AGAP1: variants seen among roughly 807,000 people sequenced by gnomAD.
AGAP1 encodes arf-GAP with GTPase, ANK repeat and PH domain-containing protein 1.
AGAP1 carries 29 observed loss-of-function variants against 105.3 expected under a neutral mutation model. That is an observed-to-expected ratio of 0.28 (90% CI 0.21 to 0.38). AGAP1 has a LOEUF of 0.38. AGAP1 is among the 10% of genes least tolerant of loss of function. The probability of loss-of-function intolerance (pLI) is 1.00; values close to 1 mark genes in which losing one functional copy is unlikely to be tolerated. For synonymous variants in AGAP1, 509 were observed against 485.9 expected, an observed-to-expected ratio of 1.05 and a Z score of -0.63; for missense variants, 998 against 1,165.1, an observed-to-expected ratio of 0.86 and a Z score of 2.09.
chr2:235,494,795 G>T lies in AGAP1; in HGVS notation c.109G>T (p.Val37Leu), dbSNP rs745570362. ...IYSIYELLER[V>L]EEPVLQNQIR... ...CTCCATCTACGAGCTGCTGGAGCGCGTGGAGGAGCCGGTGCTGCAGAACCA... is the reference window on the plus strand; with the variant it reads ...CTCCATCTACGAGCTGCTGGAGCGCTTGGAGGAGCCGGTGCTGCAGAACCA... Residue 37 changes from valine to leucine, a missense_variant, in exon 1 of 18, where the codon GTG becomes TTG. By Grantham distance (32) the Val-to-Leu change is conservative. Around this residue, in one of 3 missense-constraint regions of AGAP1, gnomAD observed 735 missense variants for 833.4 expected, o/e 0.88. Transcript: ENST00000304032. 2.6e-5 allele frequency: 41 copies of T among 1,585,048 alleles called. No individual in the cohort carries two copies. The African/African-American group carries it at 5.1e-4, about 20-fold the overall frequency.
chr2:235,937,876 G>A (rs948067054), intron 12 of AGAP1, among the ~76,000 whole-genome samples: 4 of 152,324 alleles, frequency 2.6e-5, no homozygotes, highest in South Asian at 4.1e-4. Flanking sequence ...AAACACCAGC[G>A]GTGCCACGGT....
intron 6 of AGAP1, among the ~76,000 whole-genome samples, chr2:235,765,669 G>A (rs987304999): frequency 5.3e-5 from 8 of 152,164 alleles, no homozygotes; most frequent in African/African-American, 1.9e-4. Context: ...AGGAGGGGCT[G>A]TGACTCATCC....
intron 16 of AGAP1, among the ~76,000 whole-genome samples, chr2:236,075,083 A>G (rs557898627): frequency 1.3e-5 from 2 of 152,154 alleles, no homozygotes; most frequent in Admixed American, 6.6e-5. Flanking sequence ...CAAAAGATCT[A>G]TAAGTGATTG....
chr2:235,812,247 A>G (rs1958185585), intron 9 of AGAP1, among the ~76,000 whole-genome samples: 2 of 151,934 alleles, frequency 1.3e-5, no homozygotes, highest in African/African-American at 4.8e-5. Context: ...GAGAGCAGTC[A>G]TTTCCCAGCA....
rs1014452358 is a variant in AGAP1, at chr2:235,620,689, C to G, written c.164-88490C>G. ...GCTCCCTGACATGTCTGGTGTCTCT[C>G]TCTCCCCACTGGATGGAATATAAGG... On this transcript the variant is annotated intron_variant, in intron 1 of 17. Coordinates refer to ENST00000304032, the MANE Select transcript of AGAP1 (RefSeq NM_001037131.3). This position sits in a 1 kb window ranked among gnomAD's most constrained non-coding sequence, Gnocchi z 4.5. Among the ~76,000 whole-genome samples the G allele has an allele frequency of 6.6e-6, 1 of 152,186 alleles. No homozygotes were observed. Among genetic ancestry groups the G allele is most frequent in the Non-Finnish European group, 1.5e-5 (1 of 68,038 alleles).
rs2125321177 is a variant in AGAP1 at position 235,963,091 on chromosome 2, G to T, written c.1484-5371G>T. Among the ~76,000 whole-genome samples the T allele has an allele frequency of 6.6e-6, 1 of 152,284 alleles. No individual in the cohort carries two copies. Among genetic ancestry groups the T allele is most frequent in the South Asian group, 2.1e-4 (1 of 4,820 alleles). Reference sequence around the variant, plus strand: ...TGTGGTGGTCTCTTAGAGGAAGGTGGGTGGTGGTATTTCCAAGTGCTGTCT... The same window carrying T: ...TGTGGTGGTCTCTTAGAGGAAGGTGTGTGGTGGTATTTCCAAGTGCTGTCT... On this transcript the variant is annotated intron_variant, in intron 12 of 17. Coordinates refer to ENST00000304032, the MANE Select transcript of AGAP1 (RefSeq NM_001037131.3). The surrounding 1 kb of genome is among the most constrained non-coding windows in gnomAD (Gnocchi z 5.1).
rs1488750642 is a variant in AGAP1, at chr2:235,635,626, T to G, written c.164-73553T>G. On this transcript the variant is annotated intron_variant, in intron 1 of 17. Coordinates refer to ENST00000304032, the MANE Select transcript of AGAP1 (RefSeq NM_001037131.3). The surrounding 1 kb of genome is among the most constrained non-coding windows in gnomAD (Gnocchi z 5.3). ...GAGCAACCTACTAGATCAATGAGTT[T>G]TCTAGGGAGGCATCAGAGTTAGCCA... Among the ~76,000 whole-genome samples, 1 of 151,832 alleles carries G rather than the reference T, an allele frequency of 6.6e-6. No individual in the cohort carries two copies. Among genetic ancestry groups the G allele is most frequent in the Non-Finnish European group, 1.5e-5 (1 of 67,956 alleles).
In AGAP1 at chr2:235,993,000, T is replaced by C. The variant is rs2055637852; in HGVS notation, c.1645+24377T>C. On this transcript the variant is annotated intron_variant, in intron 13 of 17. Coordinates refer to ENST00000304032, the MANE Select transcript of AGAP1 (RefSeq NM_001037131.3). This position sits in a 1 kb window ranked among gnomAD's most constrained non-coding sequence, Gnocchi z 4.8. ...CGTGTCTGCCTTTCATGAAAGATAGTAGCAAAAGTTATTGTTATACGTTAC... is the reference window on the plus strand; with the variant it reads ...CGTGTCTGCCTTTCATGAAAGATAGCAGCAAAAGTTATTGTTATACGTTAC... Among the ~76,000 whole-genome samples, 1 of 152,208 alleles carries C rather than the reference T, an allele frequency of 6.6e-6. No individual in the cohort carries two copies. Among genetic ancestry groups the C allele is most frequent in the Non-Finnish European group, 1.5e-5 (1 of 68,046 alleles).
In AGAP1 at chr2:235,918,042, C is replaced by T. The variant is rs112276289; in HGVS notation, c.1324+9136C>T. ...AAAACATTATAATAACTCTGGAGTC[C>T]GGAGTCTGTTGTGGGCCCTGGATGA... On this transcript the variant is annotated intron_variant, in intron 11 of 17. Transcript: ENST00000304032. 1.7e-4 allele frequency among the ~76,000 whole-genome samples: 26 copies of T among 152,270 alleles called. No homozygotes were observed. The South Asian group carries it at 2.9e-3, about 17-fold the overall frequency.
rs1448372958 is a variant in AGAP1 at position 235,552,053 on chromosome 2, C to A, written c.163+57204C>A. Among the ~76,000 whole-genome samples the A allele has an allele frequency of 6.6e-6, 1 of 152,200 alleles. No individual in the cohort carries two copies. Among genetic ancestry groups the A allele is most frequent in the East Asian group, 1.9e-4 (1 of 5,192 alleles). On this transcript the variant is annotated intron_variant, in intron 1 of 17. Coordinates refer to ENST00000304032, the MANE Select transcript of AGAP1 (RefSeq NM_001037131.3). The surrounding 1 kb of genome is among the most constrained non-coding windows in gnomAD (Gnocchi z 5.9). ...GGTCCCTGCCACCTGCTGGAAGGAGCCTGCAGGGAACTGTTTGTTGTGTGC... is the reference window on the plus strand; with the variant it reads ...GGTCCCTGCCACCTGCTGGAAGGAGACTGCAGGGAACTGTTTGTTGTGTGC...
rs559869377 is a variant in AGAP1, at chr2:235,703,075, A to G, written c.164-6104A>G. On this transcript the variant is annotated intron_variant, in intron 1 of 17. Transcript: ENST00000304032. ...CCTGAGTAGCTGGGATTACAGGCGC[A>G]CACCACCTCACTTGGCTAGTTTTTA... 1.9e-3 allele frequency among the ~76,000 whole-genome samples: 289 copies of G among 151,478 alleles called. 3 individuals carry two copies. Among genetic ancestry groups the G allele is most frequent in the African/African-American group, 6.7e-3 (278 of 41,346 alleles).
In AGAP1 at chr2:235,664,687, GTC is replaced by G. The variant is rs982373563; in HGVS notation, c.164-44489_164-44488del. ...ACTGGCCTGTTTAAGTGGAAATGAA[GTC>G]TCAGTGTGGGGTCCGATGCTTCCTA... On this transcript the variant is annotated intron_variant, in intron 1 of 17. Transcript: ENST00000304032. This position sits in a 1 kb window ranked among gnomAD's most constrained non-coding sequence, Gnocchi z 5.7. Among the ~76,000 whole-genome samples the G allele has an allele frequency of 1.1e-3, 164 of 152,324 alleles. 1 individual carries two copies. The highest frequency in any genetic ancestry group is 8.5e-4 in the Non-Finnish European group (58 of 68,028).
intron 9 of AGAP1, among the ~76,000 whole-genome samples, chr2:235,837,834 T>C (rs76364179): frequency 0.023 from 3,499 of 152,080 alleles, 120 homozygotes; most frequent in African/African-American, 0.08. Flanking sequence ...AGAAAAAAAT[T>C]AAGCTTAAAA....
chr2:235,658,252 CA>C (rs1947837477), intron 1 of AGAP1, among the ~76,000 whole-genome samples: 1 of 152,142 alleles, frequency 6.6e-6, no homozygotes, highest in Non-Finnish European at 1.5e-5. Flanking sequence ...CTTCTATTAG[CA>C]AAATGTCTTC....
In AGAP1 at chr2:235,719,782, G is replaced by A. The variant is rs1004963582; in HGVS notation, c.310+2138G>A. Among the ~76,000 whole-genome samples, 3 of 152,144 alleles carry A rather than the reference G, an allele frequency of 2.0e-5. No individual in the cohort carries two copies. The highest frequency in any genetic ancestry group is 4.4e-5 in the Non-Finnish European group (3 of 68,010). On this transcript the variant is annotated intron_variant, in intron 3 of 17. Coordinates refer to ENST00000304032, the MANE Select transcript of AGAP1 (RefSeq NM_001037131.3). The surrounding 1 kb of genome is among the most constrained non-coding windows in gnomAD (Gnocchi z 4.9). Reference sequence around the variant, plus strand: ...CATGTGGCCTCTCACCTTTTGACTCGAGGTCCCAGGGATTGTTCTGTGGGA... The same window carrying A: ...CATGTGGCCTCTCACCTTTTGACTCAAGGTCCCAGGGATTGTTCTGTGGGA...
chr2:235,807,157 C>T, intron 8 of AGAP1, 82 bp from the exon 9 acceptor site: 1 of 1,397,638 alleles, frequency 7.2e-7, no homozygotes, highest in South Asian at 1.2e-5. Flanking sequence ...TGTGTATTGG[C>T]AGGAATTCTG....
intron 1 of AGAP1, among the ~76,000 whole-genome samples, chr2:235,581,134 CAAAAAAAAAAAA>C (rs60330965): frequency 1.1e-5 from 1 of 88,284 alleles, no homozygotes; most frequent in East Asian, 4.3e-4. Flanking sequence ...CCATCTCAAG[CAAAAAAAAAAAA>C]AAAAAAAAAA....
intron 9 of AGAP1, among the ~76,000 whole-genome samples, chr2:235,868,771 C>A (rs748400030): frequency 1.3e-5 from 2 of 152,222 alleles, no homozygotes; most frequent in African/African-American, 4.8e-5. Flanking sequence ...ATAGCACTTA[C>A]ATTCATGACA....
At chr2:235,873,557 A>T (rs1391940172) in intron 9 of AGAP1, among the ~76,000 whole-genome samples, 1 of 152,072 alleles carries the variant, frequency 6.6e-6, no homozygotes, top group South Asian at 2.1e-4. Flanking sequence ...GACGTCAAAG[A>T]TCTGTGGGCA....
Sources: gnomAD v4.1 joint callset for allele counts (sites outside exome capture counted in the v4.1 genomes callset) on GRCh38, gnomAD v4.1.1 for gene constraint, gnomAD v4.1.1 regional missense constraint, Gnocchi (gnomAD v3.1) non-coding constraint, MANE v1.5 for transcripts, NCBI Gene and HGNC (gene_info 2026-07-23, HGNC 2026-07-21) for gene names.